Variants in KCNH7 observed in about 807,000 individuals in gnomAD.
KCNH7 encodes the protein potassium voltage-gated channel subfamily H member 7, also known as voltage-gated inwardly rectifying potassium channel KCNH7.
In KCNH7, 49 loss-of-function variants were observed where a neutral mutation model predicts 120.8. That is an observed-to-expected ratio of 0.41 (90% CI 0.32 to 0.51). The LOEUF is 0.51. Ranked by LOEUF, KCNH7 falls within the 20% of genes least tolerant of loss-of-function variation. KCNH7 has a pLI of 0.38. For missense variants in KCNH7, 1,097 were observed against 1,446.6 expected, an observed-to-expected ratio of 0.76 and a Z score of 3.92; for synonymous variants, 547 against 516.1, an observed-to-expected ratio of 1.06 and a Z score of -0.81.
intron 6 of KCNH7, among the ~76,000 whole-genome samples, chr2:162,448,790 T>G (rs1688670371): frequency 6.6e-6 from 1 of 151,928 alleles, no homozygotes; most frequent in African/African-American, 2.4e-5. Flanking sequence ...GAGCTGGAGA[T>G]TGAAAGATGG....
chr2:162,500,135 TTA>T (rs1177258439), intron 6 of KCNH7, among the ~76,000 whole-genome samples: 2 of 148,352 alleles, frequency 1.3e-5, no homozygotes, highest in African/African-American at 2.4e-5. Context: ...ATATTATACA[TTA>T]TATATAATAT....
chr2:162,394,285 C>T, intron 12 of KCNH7, 104 bp downstream of exon 12: 1 of 734,724 alleles, frequency 1.4e-6, no homozygotes, highest in Admixed American at 2.3e-5. Context: ...CTCCTAAAGC[C>T]TGAGTAAAAT....
intron 2 of KCNH7, among the ~76,000 whole-genome samples, chr2:162,678,888 T>C (rs1343406192): frequency 6.6e-6 from 1 of 151,610 alleles, no homozygotes; most frequent in Non-Finnish European, 1.5e-5. Context: ...TGCCTTGAGA[T>C]TGAATAAAGA....
intron 6 of KCNH7, among the ~76,000 whole-genome samples, chr2:162,454,442 T>A (rs1021504238): frequency 2.6e-5 from 4 of 152,208 alleles, no homozygotes; most frequent in Non-Finnish European, 4.4e-5. Flanking sequence ...CAGCTCTTTT[T>A]TGATTCCATA....
intron 2 of KCNH7, among the ~76,000 whole-genome samples, chr2:162,722,066 T>C (rs1687339226): frequency 6.6e-6 from 1 of 152,060 alleles, no homozygotes; most frequent in African/African-American, 2.4e-5. Flanking sequence ...ATTTCACTAG[T>C]ACGTATTACT....
intron 2 of KCNH7, among the ~76,000 whole-genome samples, chr2:162,574,974 G>C (rs1693621144): frequency 1.3e-5 from 2 of 152,080 alleles, no homozygotes; most frequent in African/African-American, 4.8e-5. Flanking sequence ...GCTATCCTTG[G>C]CATATGGTAT....
intron 7 of KCNH7, among the ~76,000 whole-genome samples, chr2:162,438,261 T>C (rs998758179): frequency 6.6e-6 from 1 of 152,170 alleles, no homozygotes; most frequent in East Asian, 1.9e-4. Context: ...GATGTTATGA[T>C]AAGAAGAGCA....
At chr2:162,689,652 TTAA>T (rs968327870) in intron 2 of KCNH7, among the ~76,000 whole-genome samples, 2 of 152,202 alleles carry the variant, frequency 1.3e-5, no homozygotes, top group African/African-American at 2.4e-5. Context: ...TTTTATTTAA[TTAA>T]TGTTTAATTT....
intron 2 of KCNH7, among the ~76,000 whole-genome samples, chr2:162,677,498 G>A (rs1338597983): frequency 6.6e-6 from 1 of 151,382 alleles, no homozygotes; most frequent in Non-Finnish European, 1.5e-5. Context: ...AGCCATCAAT[G>A]CCACTGCATG....
chr2:162,613,832 T>A (rs771388759), intron 2 of KCNH7, among the ~76,000 whole-genome samples: 6 of 151,960 alleles, frequency 3.9e-5, no homozygotes, highest in Non-Finnish European at 8.8e-5. Flanking sequence ...AGGGTAATCG[T>A]AGACAAATAT....
chr2:162,584,101 G>A (rs1180396834), intron 2 of KCNH7, among the ~76,000 whole-genome samples: 1 of 152,080 alleles, frequency 6.6e-6, no homozygotes, highest in Admixed American at 6.5e-5. Context: ...GTTACTTACT[G>A]CATGTGGAAT....
At chr2:162,445,943 T>C (rs148054799) in intron 7 of KCNH7, 75 bp downstream of exon 7, 1 of 1,185,388 alleles carries the variant, frequency 8.4e-7, no homozygotes, top group East Asian at 2.5e-5. Context: ...AAGCAACTCT[T>C]CTTTTTGCAG....
At chr2:162,396,542 C>T (rs1174556370) in intron 11 of KCNH7, among the ~76,000 whole-genome samples, 198 bp downstream of exon 11, 5 of 151,784 alleles carry the variant, frequency 3.3e-5, no homozygotes, top group African/African-American at 9.7e-5. Context: ...AATTATTCAA[C>T]GTATTGGAAA....
At chr2:162,778,636 C>T (rs1241583554) in intron 2 of KCNH7, among the ~76,000 whole-genome samples, 6 of 137,920 alleles carry the variant, frequency 4.4e-5, no homozygotes, top group Admixed American at 7.2e-5. Context: ...TCACTATATG[C>T]AATAAATATC....
At position 162,569,766 on chromosome 2, in the gene KCNH7, T is replaced by C. The variant is rs182793671; in HGVS notation, c.308-32686A>G. On this transcript the variant is annotated intron_variant, in intron 2 of 15. Transcript: ENST00000332142. ...GTTGGTTTCAAAGAACATCTTTATT[T>C]CTGCCTTCATTTCGTTATGTACCCA... Among the ~76,000 whole-genome samples the C allele has an allele frequency of 5.6e-3, 843 of 150,982 alleles. 9 individuals are homozygous for C. The highest frequency in any genetic ancestry group is 0.019 in the African/African-American group (794 of 40,988).
At chr2:162,385,726 C>T (rs1415176173) in intron 12 of KCNH7, among the ~76,000 whole-genome samples, 1 of 151,802 alleles carries the variant, frequency 6.6e-6, no homozygotes, top group Non-Finnish European at 1.5e-5. Flanking sequence ...TAATAACTAA[C>T]CAACAAAACG....
At chr2:162,709,137 C>A (rs34077939) in intron 2 of KCNH7, among the ~76,000 whole-genome samples, 11 of 151,852 alleles carry the variant, frequency 7.2e-5, no homozygotes, top group Admixed American at 6.6e-4. Context: ...AAAATAGAGA[C>A]GGTATTAGTA....
Position 162,722,810 on chromosome 2 carries a change from TTTC to T in KCNH7, c.307+113724_307+113726del, listed in dbSNP as rs1687367068. On this transcript the variant is annotated intron_variant, in intron 2 of 15. Transcript: ENST00000332142. ...TTCAATCCTTTTCATTCATTCTTTT[TTTC>T]TTTTTTTTTTTTTTTTTTGCTTCTC... Among the ~76,000 whole-genome samples, 3 of 139,626 alleles carry T rather than the reference TTTC, an allele frequency of 2.1e-5. No individual in the cohort carries two copies. In the South Asian group the frequency reaches 7.0e-4, roughly 33 times the overall value. The allele number at this position is 139,626 out of a possible 152,430, so 91.6% of individuals were successfully genotyped here. A position where few individuals can be genotyped will look rare whatever the true frequency, so the allele number is the denominator to read the frequency against.
At position 162,400,445 on chromosome 2, in the gene KCNH7, AG is replaced by A. The variant is rs1687035977; in HGVS notation, c.2155-5del. The A allele has an allele frequency of 2.5e-6, 4 of 1,610,752 alleles. No individual in the cohort carries two copies. Among genetic ancestry groups the A allele is most frequent in the African/African-American group, 1.3e-5 (1 of 74,660 alleles). Reference sequence around the variant, plus strand: ...ATTCTGGGAAACCCTTTAGGACCTGAGGAAAAAAAGAAAGAGTTTCATACTA... The same window carrying A: ...ATTCTGGGAAACCCTTTAGGACCTGAGAAAAAAAGAAAGAGTTTCATACTA... On this transcript the variant is annotated splice_region_variant and splice_polypyrimidine_tract_variant and intron_variant, in intron 9 of 15. Transcript: ENST00000332142.
Sources: gnomAD v4.1 joint callset for allele counts (sites outside exome capture counted in the v4.1 genomes callset) on GRCh38, gnomAD v4.1.1 for gene constraint, MANE v1.5 for transcripts, NCBI Gene and HGNC (gene_info 2026-07-23, HGNC 2026-07-21) for gene names.